JAKMIP2: variants seen among roughly 807,000 people sequenced by gnomAD.
JAKMIP2 encodes the protein janus kinase and microtubule-interacting protein 2.
Under a neutral mutation model 115.0 loss-of-function variants are expected in JAKMIP2, and 25 were observed. The observed-to-expected ratio is 0.22, with a 90% CI of 0.16 to 0.30. The LOEUF is 0.30. Ranked by LOEUF, JAKMIP2 falls within the 10% of genes least tolerant of loss-of-function variation. JAKMIP2 has a pLI of 1.00. For synonymous variants in JAKMIP2, 334 were observed against 343.6 expected, an observed-to-expected ratio of 0.97 and a Z score of 0.31; for missense variants, 642 against 957.6, an observed-to-expected ratio of 0.67 and a Z score of 4.35.
intron 1 of JAKMIP2, among the ~76,000 whole-genome samples, chr5:147,718,330 T>C (rs1249135595): frequency 8.0e-5 from 12 of 150,164 alleles, no homozygotes; most frequent in African/African-American, 2.2e-4. Context: ...TGTCTCTGCC[T>C]GGCTTTGGTA....
chr5:147,648,981 G>GTATT (rs1209417466), intron 4 of JAKMIP2, among the ~76,000 whole-genome samples: 1 of 152,170 alleles, frequency 6.6e-6, no homozygotes, highest in Non-Finnish European at 1.5e-5. Context: ...AAATGTTGAT[G>GTATT]TATTACCTTC....
chr5:147,684,738 C>T (rs956258317), intron 1 of JAKMIP2, among the ~76,000 whole-genome samples: 1 of 152,110 alleles, frequency 6.6e-6, no homozygotes, highest in Non-Finnish European at 1.5e-5. Flanking sequence ...AGAGAAGAGG[C>T]ACGCTCTATT....
intron 1 of JAKMIP2, among the ~76,000 whole-genome samples, chr5:147,713,779 G>A (rs1752868180): frequency 6.6e-6 from 1 of 152,140 alleles, no homozygotes; most frequent in Non-Finnish European, 1.5e-5. Context: ...GCAGACTAAT[G>A]GGGGCTAGAT....
At chr5:147,689,599 C>T (rs779762307) in intron 1 of JAKMIP2, among the ~76,000 whole-genome samples, 1 of 152,034 alleles carries the variant, frequency 6.6e-6, no homozygotes, top group Non-Finnish European at 1.5e-5. Context: ...AGATGCAGAG[C>T]CACGTTGATC....
intron 3 of JAKMIP2, among the ~76,000 whole-genome samples, chr5:147,654,449 C>A (rs1215701432): frequency 6.6e-6 from 1 of 151,982 alleles, no homozygotes; most frequent in Non-Finnish European, 1.5e-5. Context: ...AGCTGTATTC[C>A]TAGGTATTTT....
At chr5:147,687,618 A>C (rs993178462) in intron 1 of JAKMIP2, among the ~76,000 whole-genome samples, 9 of 152,226 alleles carry the variant, frequency 5.9e-5, no homozygotes, top group African/African-American at 1.2e-4. Context: ...TGCAGGTAAC[A>C]TGCAGAAGGA....
intron 1 of JAKMIP2, among the ~76,000 whole-genome samples, chr5:147,760,808 T>C (rs956955897): frequency 5.3e-5 from 8 of 151,984 alleles, no homozygotes; most frequent in Admixed American, 6.6e-5. Flanking sequence ...AGTGATACAG[T>C]TGAGAGGAAG....
chr5:147,696,247 T>C (rs1211196004), intron 1 of JAKMIP2, among the ~76,000 whole-genome samples: 3 of 152,170 alleles, frequency 2.0e-5, no homozygotes, highest in African/African-American at 4.8e-5. Flanking sequence ...AAAACTCGAA[T>C]TGTAGTTCCC....
At chr5:147,772,387 A>G (rs1755391774) in intron 1 of JAKMIP2, among the ~76,000 whole-genome samples, 1 of 151,922 alleles carries the variant, frequency 6.6e-6, no homozygotes, top group Admixed American at 6.6e-5. Flanking sequence ...TATATGAATG[A>G]AAACTGAATG....
At chr5:147,593,231 G>A (rs913843813) in intron 21 of JAKMIP2, among the ~76,000 whole-genome samples, 3 of 152,230 alleles carry the variant, frequency 2.0e-5, no homozygotes, top group African/African-American at 4.8e-5. Flanking sequence ...CACCACCAAC[G>A]AAGGGAGCCA....
intron 1 of JAKMIP2, among the ~76,000 whole-genome samples, chr5:147,706,982 T>C (rs994805785): frequency 6.6e-5 from 10 of 152,192 alleles, no homozygotes; most frequent in African/African-American, 2.2e-4. Flanking sequence ...TCAAAGCTAA[T>C]GTATTTACCT....
chr5:147,661,524 A>C, intron 2 of JAKMIP2, 79 bp from the exon 3 acceptor site: 1 of 1,429,504 alleles, frequency 7.0e-7, no homozygotes, highest in Non-Finnish European at 9.4e-7. Flanking sequence ...TTTGCAGCTC[A>C]GGCCGCTGTG....
chr5:147,661,652 A>T, intron 2 of JAKMIP2: 1 of 558,180 alleles, frequency 1.8e-6, no homozygotes, highest in Non-Finnish European at 3.1e-6. Context: ...TATTTATATT[A>T]CTTTGTTCAG....
chr5:147,737,988 C>T (rs571281899), intron 1 of JAKMIP2, among the ~76,000 whole-genome samples: 1 of 151,850 alleles, frequency 6.6e-6, no homozygotes, highest in African/African-American at 2.4e-5. Context: ...TTTACTTTCA[C>T]AAGTTTTTTT....
chr5:147,620,041 G>A (rs1170545374), intron 18 of JAKMIP2, among the ~76,000 whole-genome samples: 4 of 152,074 alleles, frequency 2.6e-5, no homozygotes, highest in Non-Finnish European at 4.4e-5. Flanking sequence ...AATCTACACT[G>A]CCATCCAAAC....
At position 147,640,692 on chromosome 5, in the gene JAKMIP2, A is replaced by G. The variant is rs1194719388; in HGVS notation, c.1401+12T>C. On this transcript the variant is annotated intron_variant, in intron 9 of 21. Transcript: ENST00000616793. Reference sequence around the variant, plus strand: ...CAATATCACCCTAGGCTAGAGAAGTAGAAAAGCTTACTTCATCCAAGTCAT... The same window carrying G: ...CAATATCACCCTAGGCTAGAGAAGTGGAAAAGCTTACTTCATCCAAGTCAT... 2 of 1,613,260 alleles carry G rather than the reference A, an allele frequency of 1.2e-6. No homozygotes were observed. The highest frequency in any genetic ancestry group is 1.7e-5 in the Admixed American group (1 of 59,968).
At chr5:147,750,595 A>ACACACACACAC (rs1754514085) in intron 1 of JAKMIP2, among the ~76,000 whole-genome samples, 4 of 109,128 alleles carry the variant, frequency 3.7e-5, no homozygotes, top group Non-Finnish European at 8.1e-5. Context: ...CACACACACA[A>ACACACACACAC]AAGAAACCTA....
chr5:147,700,418 G>C (rs1752277769), intron 1 of JAKMIP2, among the ~76,000 whole-genome samples: 1 of 151,546 alleles, frequency 6.6e-6, no homozygotes, highest in African/African-American at 2.4e-5. Flanking sequence ...TTCAATAGTA[G>C]GAACAAAAAG....
chr5:147,656,737 G>C (rs981538690), intron 3 of JAKMIP2, among the ~76,000 whole-genome samples: 1 of 152,174 alleles, frequency 6.6e-6, no homozygotes, highest in Non-Finnish European at 1.5e-5. Context: ...CATGATGCTA[G>C]CTGGTTATTT....
Sources: gnomAD v4.1 joint callset for allele counts (sites outside exome capture counted in the v4.1 genomes callset) on GRCh38, gnomAD v4.1.1 for gene constraint, MANE v1.5 for transcripts, NCBI Gene and HGNC (gene_info 2026-07-23, HGNC 2026-07-21) for gene names.